Variants in SYT9 observed in about 807,000 individuals in gnomAD.
SYT9 encodes the protein synaptotagmin 9.
Under a neutral mutation model 48.4 loss-of-function variants are expected in SYT9, and 22 were observed. The observed-to-expected ratio is 0.45, with a 90% CI of 0.32 to 0.65. SYT9 has a LOEUF of 0.65. SYT9 is among the 30% of genes least tolerant of loss of function. The probability of loss-of-function intolerance (pLI) is 0.03; values close to 1 mark genes in which losing one functional copy is unlikely to be tolerated. For missense variants in SYT9, 577 were observed against 622.0 expected (o/e 0.93, Z 0.77); for synonymous variants, 265 against 245.0 (o/e 1.08, Z -0.76).
At chr11:7,365,596 G>A (rs1195283902) in intron 3 of SYT9, among the ~76,000 whole-genome samples, 3 of 152,056 alleles carry the variant, frequency 2.0e-5, no homozygotes, top group Non-Finnish European at 4.4e-5. Flanking sequence ...TTGTATAGGT[G>A]ACAATTTTTA....
intron 3 of SYT9, among the ~76,000 whole-genome samples, chr11:7,381,147 C>A (rs1169308738): frequency 1.3e-5 from 2 of 152,130 alleles, no homozygotes; most frequent in African/African-American, 4.8e-5. Context: ...CTAAATCTAT[C>A]CAGATCATCC....
At chr11:7,397,360 T>G (rs2134069321) in intron 3 of SYT9, among the ~76,000 whole-genome samples, 1 of 152,314 alleles carries the variant, frequency 6.6e-6, no homozygotes, top group Non-Finnish European at 1.5e-5. Flanking sequence ...TATAGCCTCT[T>G]CATTTTGTTC....
chr11:7,269,436 ATT>A (rs1303909721), intron 1 of SYT9, among the ~76,000 whole-genome samples: 1 of 152,112 alleles, frequency 6.6e-6, no homozygotes, highest in Non-Finnish European at 1.5e-5. Context: ...ACAGAGGTAA[ATT>A]TTTAAAATTC....
At chr11:7,324,945 A>G (rs955062020) in intron 3 of SYT9, among the ~76,000 whole-genome samples, 14 of 152,010 alleles carry the variant, frequency 9.2e-5, no homozygotes, top group Admixed American at 3.3e-4. Flanking sequence ...ATGATGGTGG[A>G]TTTTCAATTT....
At chr11:7,270,167 T>C (rs190545973) in intron 1 of SYT9, among the ~76,000 whole-genome samples, 4 of 152,314 alleles carry the variant, frequency 2.6e-5, no homozygotes, top group Admixed American at 6.5e-5. Context: ...TAATACCATA[T>C]TGACAATGTT....
At chr11:7,381,169 AG>A (rs1850555594) in intron 3 of SYT9, among the ~76,000 whole-genome samples, 1 of 152,180 alleles carries the variant, frequency 6.6e-6, no homozygotes, top group South Asian at 2.1e-4. Context: ...TAAGGGTATC[AG>A]GAGAGAGCTT....
chr11:7,381,315 A>T (rs1589985529), intron 3 of SYT9, among the ~76,000 whole-genome samples: 1 of 152,370 alleles, frequency 6.6e-6, no homozygotes, highest in Non-Finnish European at 1.5e-5. Flanking sequence ...CTATTGGGAC[A>T]CAATGATTTT....
chr11:7,287,907 G>T (rs2133913935), intron 1 of SYT9, among the ~76,000 whole-genome samples: 1 of 152,116 alleles, frequency 6.6e-6, no homozygotes, highest in Admixed American at 6.5e-5. Flanking sequence ...TGTTTTTATT[G>T]TTTCCTTATT....
At chr11:7,333,091 C>T (rs914481096) in intron 3 of SYT9, among the ~76,000 whole-genome samples, 2 of 152,258 alleles carry the variant, frequency 1.3e-5, no homozygotes, top group Admixed American at 6.5e-5. Flanking sequence ...TGTCCAGTAG[C>T]TAAGTGTAGT....
At chr11:7,460,117 A>T (rs1322250830) in intron 6 of SYT9, among the ~76,000 whole-genome samples, 1 of 152,212 alleles carries the variant, frequency 6.6e-6, no homozygotes, top group Non-Finnish European at 1.5e-5. Context: ...TGTGGTAAGG[A>T]TTAATAATAT....
Position 7,252,079 on chromosome 11 carries a change from C to A in SYT9, c.-108C>A. The A allele has an allele frequency of 8.0e-7, 1 of 1,242,512 alleles. No homozygotes were observed. Among genetic ancestry groups the A allele is most frequent in the Non-Finnish European group, 1.0e-6 (1 of 969,682 alleles). The allele number at this position is 1,242,512 out of a possible 1,614,324, so 77.0% of individuals were successfully genotyped here. ...AGGCTCGCACCGTTTCTCGGCAGGTCCCTGGCGGTGAGCGCGGACGGCCCG... is the reference window on the plus strand; with the variant it reads ...AGGCTCGCACCGTTTCTCGGCAGGTACCTGGCGGTGAGCGCGGACGGCCCG... On this transcript the variant is annotated 5_prime_UTR_variant, in exon 1 of 7. Transcript: ENST00000318881. This position sits in a 1 kb window ranked among gnomAD's most constrained non-coding sequence, Gnocchi z 6.3.
intron 1 of SYT9, among the ~76,000 whole-genome samples, chr11:7,284,823 T>C (rs1216220801): frequency 6.6e-6 from 1 of 152,222 alleles, no homozygotes; most frequent in Non-Finnish European, 1.5e-5. Context: ...CTATGTTTAC[T>C]TGCTCCTTTA....
intron 1 of SYT9, among the ~76,000 whole-genome samples, chr11:7,257,883 T>C (rs1210263924): frequency 6.6e-6 from 1 of 152,136 alleles, no homozygotes; most frequent in South Asian, 2.1e-4. Context: ...AGTCATGAGG[T>C]AATTATCAAG....
chr11:7,259,520 T>A (rs1281514469), intron 1 of SYT9, among the ~76,000 whole-genome samples: 1 of 152,166 alleles, frequency 6.6e-6, no homozygotes, highest in Non-Finnish European at 1.5e-5. Context: ...TCCTGCTACA[T>A]GTCAACAGTA....
chr11:7,451,686 C>T (rs1254108694), intron 6 of SYT9, among the ~76,000 whole-genome samples: 3 of 152,094 alleles, frequency 2.0e-5, no homozygotes, highest in African/African-American at 2.4e-5. Context: ...TGGAACTATC[C>T]GGAAAAGTCA....
chr11:7,352,479 A>G (rs533209547), intron 3 of SYT9, among the ~76,000 whole-genome samples: 59 of 152,322 alleles, frequency 3.9e-4, no homozygotes, highest in Admixed American at 1.0e-3. Context: ...TCCCTGGATG[A>G]CAATAAGACC....
chr11:7,412,015 T>C (rs1847144680), intron 3 of SYT9, among the ~76,000 whole-genome samples: 1 of 152,192 alleles, frequency 6.6e-6, no homozygotes, highest in Non-Finnish European at 1.5e-5. Context: ...TTTTGTATTT[T>C]ATTCAATGAA....
intron 1 of SYT9, among the ~76,000 whole-genome samples, chr11:7,298,029 C>T (rs527650169): frequency 1.1e-4 from 16 of 152,226 alleles, no homozygotes; most frequent in Non-Finnish European, 1.8e-4. Context: ...AGATGCTCAG[C>T]GGACCCCTAT....
intron 1 of SYT9, among the ~76,000 whole-genome samples, chr11:7,295,599 T>C (rs981409255): frequency 1.3e-5 from 2 of 152,224 alleles, no homozygotes; most frequent in African/African-American, 4.8e-5. Flanking sequence ...CATGGCAGTG[T>C]AAGCTTTTTC....
Sources: gnomAD v4.1 joint callset for allele counts (sites outside exome capture counted in the v4.1 genomes callset) on GRCh38, gnomAD v4.1.1 for gene constraint, Gnocchi (gnomAD v3.1) non-coding constraint, MANE v1.5 for transcripts, NCBI Gene and HGNC (gene_info 2026-07-23, HGNC 2026-07-21) for gene names.